The following PDE3A variants were observed in gnomAD, a reference collection of about 807,000 sequenced individuals.
The protein encoded by PDE3A is phosphodiesterase 3A, also known as cGMP-inhibited 3',5'-cyclic phosphodiesterase 3A.
PDE3A carries 43 observed loss-of-function variants against 98.3 expected under a neutral mutation model. That is an observed-to-expected ratio of 0.44 (90% CI 0.34 to 0.56). The LOEUF (loss-of-function observed/expected upper bound fraction) is 0.56. Ranked by LOEUF, PDE3A falls within the 20% of genes least tolerant of loss-of-function variation. The pLI is 0.01. For synonymous variants in PDE3A, 663 were observed against 567.9 expected (o/e 1.17, Z -2.38); for missense variants, 1,427 against 1,440.7 (o/e 0.99, Z 0.15).
chr12:20,449,415 A>C (rs1025527753), intron 1 of PDE3A, among the ~76,000 whole-genome samples: 1 of 152,066 alleles, frequency 6.6e-6, no homozygotes, highest in Non-Finnish European at 1.5e-5. Flanking sequence ...ATTGTCATTT[A>C]TTTTTTATTT....
At chr12:20,409,705 G>T (rs1297269200) in intron 1 of PDE3A, among the ~76,000 whole-genome samples, 3 of 152,098 alleles carry the variant, frequency 2.0e-5, no homozygotes, top group African/African-American at 7.2e-5. Context: ...AGTCACTACT[G>T]AAATACATTA....
At chr12:20,551,861 C>A (rs942744826) in intron 1 of PDE3A, 1 of 1,613,654 alleles carries the variant, frequency 6.2e-7, no homozygotes, top group East Asian at 2.2e-5. Flanking sequence ...AAGGAATGTA[C>A]CATCATCCCG....
intron 1 of PDE3A, among the ~76,000 whole-genome samples, chr12:20,531,862 A>C (rs1941607802): frequency 6.6e-6 from 1 of 152,166 alleles, no homozygotes; most frequent in African/African-American, 2.4e-5. Context: ...TTTATGTTGA[A>C]AATTCTGACT....
intron 2 of PDE3A, among the ~76,000 whole-genome samples, chr12:20,591,408 C>A (rs1943335978): frequency 6.6e-6 from 1 of 152,224 alleles, no homozygotes; most frequent in South Asian, 2.1e-4. Context: ...TTTAATAATA[C>A]TATTTTTCAA....
At chr12:20,407,209 T>C (rs779417688) in intron 1 of PDE3A, among the ~76,000 whole-genome samples, 3 of 151,552 alleles carry the variant, frequency 2.0e-5, no homozygotes, top group Non-Finnish European at 4.4e-5. Flanking sequence ...CTCTATTTAA[T>C]GGGTACAATA....
chr12:20,421,848 G>C (rs573132007), intron 1 of PDE3A, among the ~76,000 whole-genome samples: 24 of 152,172 alleles, frequency 1.6e-4, no homozygotes, highest in African/African-American at 5.8e-4. Flanking sequence ...GTAAAGAGTG[G>C]GAAAATATTT....
intron 1 of PDE3A, among the ~76,000 whole-genome samples, chr12:20,511,571 A>G (rs1946224349): frequency 6.6e-6 from 1 of 152,128 alleles, no homozygotes; most frequent in Admixed American, 6.6e-5. Context: ...TATAAAATAA[A>G]TATTCATGAT....
intron 1 of PDE3A, among the ~76,000 whole-genome samples, chr12:20,523,294 C>T (rs1458753550): frequency 2.6e-5 from 4 of 152,086 alleles, no homozygotes; most frequent in Admixed American, 6.6e-5. Context: ...AAGTGTTCTC[C>T]CTTCCCAGCT....
At chr12:20,678,398 C>A (rs949910995) in intron 15 of PDE3A, among the ~76,000 whole-genome samples, 1 of 152,134 alleles carries the variant, frequency 6.6e-6, no homozygotes, top group Non-Finnish European at 1.5e-5. Context: ...GTGGAGCAGG[C>A]AAGTACCAGA....
At chr12:20,614,323 G>A (rs925852490) in intron 3 of PDE3A, among the ~76,000 whole-genome samples, 3 of 152,046 alleles carry the variant, frequency 2.0e-5, no homozygotes, top group Non-Finnish European at 4.4e-5. Context: ...ATTGTAGGAG[G>A]ATCCTCACCC....
intron 2 of PDE3A, among the ~76,000 whole-genome samples, chr12:20,588,005 T>TA (rs1445952737): frequency 1.3e-5 from 2 of 152,158 alleles, no homozygotes; most frequent in African/African-American, 2.4e-5. Flanking sequence ...ATGAGGCAGA[T>TA]AAAAAATAGA....
At chr12:20,404,826 GTTTTTTTT>G (rs60736941) in intron 1 of PDE3A, among the ~76,000 whole-genome samples, 4 of 95,080 alleles carry the variant, frequency 4.2e-5, no homozygotes, top group Admixed American at 2.7e-4. Flanking sequence ...AGGTTACAGA[GTTTTTTTT>G]TTTTTTTTTT....
At position 20,685,632 on chromosome 12, in the gene PDE3A, A is replaced by G. The variant is rs745763988; in HGVS notation, c.*5361A>G. Among the ~76,000 whole-genome samples, 16 of 152,108 alleles carry G rather than the reference A, an allele frequency of 1.1e-4. No individual in the cohort carries two copies. The highest frequency in any genetic ancestry group is 2.2e-4 in the Non-Finnish European group (15 of 68,014). On this transcript the variant is annotated 3_prime_UTR_variant, in exon 16 of 16. Coordinates refer to ENST00000359062, the MANE Select transcript of PDE3A (RefSeq NM_000921.5). ...GACATATGTTTAAGTCTCTAAAAGG[A>G]ATCCACATTTTCTTTCCAGATACAG...
chr12:20,370,616 A>C (rs1565527633), intron 1 of PDE3A, among the ~76,000 whole-genome samples: 1 of 152,022 alleles, frequency 6.6e-6, no homozygotes, highest in Non-Finnish European at 1.5e-5. Context: ...TTTAGAATTA[A>C]GTTTAGATTT....
chr12:20,680,008 T>C, intron 15 of PDE3A, 22 bp from the exon 16 acceptor site: 1 of 1,558,376 alleles, frequency 6.4e-7, no homozygotes, highest in Non-Finnish European at 8.7e-7. Context: ...TGATTTGGTG[T>C]TTTTTATTTT....
At position 20,680,484 on chromosome 12, in the gene PDE3A, G is replaced by T; in HGVS notation, c.*213G>T. 1 of 535,886 alleles carries T rather than the reference G, an allele frequency of 1.9e-6. No individual in the cohort carries two copies. The highest frequency in any genetic ancestry group is 1.9e-5 in the African/African-American group (1 of 52,694). The allele number at this position is 535,886 out of a possible 1,614,324, so 33.2% of individuals were successfully genotyped here. ...AAGAAGCTTTCACATTGCAACACCAGCTTCTAAGGATTTTTTAAGGAGGGA... is the reference window on the plus strand; with the variant it reads ...AAGAAGCTTTCACATTGCAACACCATCTTCTAAGGATTTTTTAAGGAGGGA... On this transcript the variant is annotated 3_prime_UTR_variant, in exon 16 of 16. Coordinates refer to ENST00000359062, the MANE Select transcript of PDE3A (RefSeq NM_000921.5).
chr12:20,669,418 T>G (rs1945410069), intron 15 of PDE3A, among the ~76,000 whole-genome samples: 1 of 150,770 alleles, frequency 6.6e-6, no homozygotes, highest in Admixed American at 6.6e-5. Flanking sequence ...AAAGTTGAAA[T>G]GAAGGAAAAA....
chr12:20,455,432 C>A (rs12298038), intron 1 of PDE3A, among the ~76,000 whole-genome samples: 29,020 of 152,090 alleles, frequency 0.19, 2,914 homozygotes, highest in Admixed American at 0.28. Context: ...TTGATAATTT[C>A]TTTTGCTGTG....
At chr12:20,443,515 ATC>A (rs572785662) in intron 1 of PDE3A, among the ~76,000 whole-genome samples, 53 of 152,318 alleles carry the variant, frequency 3.5e-4, no homozygotes, top group Non-Finnish European at 6.8e-4. Flanking sequence ...GAAAATAAAT[ATC>A]TGTTTCCTTC....
Sources: allele counts gnomAD v4.1 joint callset (sites outside exome capture counted in the v4.1 genomes callset), GRCh38; gene constraint gnomAD v4.1.1; transcripts MANE v1.5; gene names NCBI Gene and HGNC (gene_info 2026-07-23, HGNC 2026-07-21).